Variants in PCYT2 observed in about 807,000 individuals in gnomAD.
PCYT2 encodes the protein phosphate cytidylyltransferase 2, ethanolamine.
In PCYT2, 33 loss-of-function variants were observed where a neutral mutation model predicts 50.0. The observed-to-expected ratio is 0.66, with a 90% CI of 0.50 to 0.88. PCYT2 has a LOEUF of 0.88. Among genes scored for constraint, PCYT2 ranks in the 40% least tolerant of loss-of-function variants. The pLI, the probability that PCYT2 is intolerant of heterozygous loss-of-function variation, is 0.00. For synonymous variants in PCYT2, 240 were observed against 203.7 expected (o/e 1.18, Z -1.52); for missense variants, 430 against 519.7 (o/e 0.83, Z 1.68).
At chr17:81,907,240 G>T (rs1324943117) in intron 6 of PCYT2, 1 of 1,534,336 alleles carries the variant, frequency 6.5e-7, no homozygotes, top group Non-Finnish European at 8.7e-7. Flanking sequence ...TGTCCCCGGC[G>T]GGTATCGGGT....
In PCYT2 at chr17:81,908,713, C is replaced by G. The variant is rs1003882578; in HGVS notation, c.341-79G>C. On this transcript the variant is annotated intron_variant, in intron 3 of 12. Transcript: ENST00000538936. ...TCAGAGCCCAGGACCCTCTCGGCCC[C>G]TGGCCTGCCCTAGTGTCCGCGTGCC... The G allele has an allele frequency of 2.9e-6, 4 of 1,389,450 alleles. No homozygotes were observed. The African/African-American group carries it at 4.3e-5, about 15-fold the overall frequency. The allele number at this position is 1,389,450 out of a possible 1,614,324, so 86.1% of individuals were successfully genotyped here. A position where few individuals can be genotyped will look rare whatever the true frequency, so the allele number is the denominator to read the frequency against.
At chr17:81,907,387 C>G in intron 6 of PCYT2, 167 bp downstream of exon 6, 1 of 1,175,160 alleles carries the variant, frequency 8.5e-7, no homozygotes. Context: ...TCCCTCCCAG[C>G]ATCCACCAGT....
chr17:81,906,607 C>T, intron 7 of PCYT2, 61 bp from the exon 8 acceptor site: 1 of 1,580,500 alleles, frequency 6.3e-7, no homozygotes, highest in Middle Eastern at 1.7e-4. Context: ...CCTGACAGCT[C>T]ATGCCCAAGG....
At position 81,907,167 on chromosome 17, in the gene PCYT2, G is replaced by A. The variant is rs1317997822; in HGVS notation, c.538-269C>T. On this transcript the variant is annotated intron_variant, in intron 6 of 12. Transcript: ENST00000538936. ...CTGTGGCAGGTGCACACAGCCCTTG[G>A]GAGGGACCTGGTACCCTGAGACCAC... The A allele has an allele frequency of 2.7e-6, 4 of 1,489,380 alleles. No homozygotes were observed. The African/African-American group carries it at 5.6e-5, about 21-fold the overall frequency. 92.3% of individuals were successfully genotyped at this position (1,489,380 alleles called of 1,614,324 possible). A position where few individuals can be genotyped will look rare whatever the true frequency, so the allele number is the denominator to read the frequency against.
At chr17:81,910,218 G>A (rs2040507533) in intron 1 of PCYT2, among the ~76,000 whole-genome samples, 1 of 152,204 alleles carries the variant, frequency 6.6e-6, no homozygotes, top group South Asian at 2.1e-4. Flanking sequence ...GCTAACACGT[G>A]AACTCTCAAG....
intron 10 of PCYT2, 24 bp from the exon 11 acceptor site, chr17:81,905,471 G>A: frequency 6.4e-7 from 1 of 1,559,016 alleles, no homozygotes; most frequent in African/African-American, 1.4e-5. Context: ...GGGGTCAGGA[G>A]CCCTCCCCGG....
chr17:81,902,308 GC>G lies in PCYT2; in HGVS notation c.*2524del. ...CCGGTCCGCGACACTGGCGGCCGCC[GC>G]CCTGGCGCTGTGCCTGCTGCTGGCG... On this transcript the variant is annotated 3_prime_UTR_variant, in exon 13 of 13. Transcript: ENST00000538936. 1.5e-6 allele frequency: 2 copies of G among 1,326,850 alleles called. No homozygotes were observed. The highest frequency in any genetic ancestry group is 1.9e-6 in the Non-Finnish European group (2 of 1,045,264). 82.2% of individuals were successfully genotyped at this position (1,326,850 alleles called of 1,614,324 possible).
intron 10 of PCYT2, 87 bp downstream of exon 10, chr17:81,905,583 T>C: frequency 6.9e-7 from 1 of 1,454,820 alleles, no homozygotes; most frequent in Non-Finnish European, 9.6e-7. Context: ...GGGCCCCGCC[T>C]AGGAGCCCAC....
chr17:81,911,320 T>G lies in PCYT2; in HGVS notation c.36A>C (p.Ala12=). 1.8e-6 allele frequency: 2 copies of G among 1,124,956 alleles called. No individual in the cohort carries two copies. Among genetic ancestry groups the G allele is most frequent in the Non-Finnish European group, 2.2e-6 (2 of 908,022 alleles). 69.7% of individuals were successfully genotyped at this position (1,124,956 alleles called of 1,614,324 possible). The change falls in exon 1 of 13, where the codon GCA becomes GCC. Residue 12 remains alanine (A), a synonymous_variant. Transcript: ENST00000538936. ...IRNGRGAAGG[A]EQPGPGGRRA... Reference sequence around the variant, plus strand: ...GCCTGCCCCCCGGGCCCGGCTGCTCTGCGCCGCCTGCAGCCCCGCGCCCGT... The same window carrying G: ...GCCTGCCCCCCGGGCCCGGCTGCTCGGCGCCGCCTGCAGCCCCGCGCCCGT...
chr17:81,909,412 G>A, intron 2 of PCYT2, 102 bp downstream of exon 2: 2 of 1,473,370 alleles, frequency 1.4e-6, no homozygotes, highest in Non-Finnish European at 9.3e-7. Flanking sequence ...CCCTACAGCT[G>A]TGCCCTGGCA....
Position 81,902,899 on chromosome 17 carries a change from C to T in PCYT2, c.*1934G>A, listed in dbSNP as rs1042301707. 1.5e-5 allele frequency: 10 copies of T among 677,382 alleles called. No individual in the cohort carries two copies. Among genetic ancestry groups the T allele is most frequent in the Non-Finnish European group, 1.2e-5 (5 of 432,448 alleles). 42.0% of individuals were successfully genotyped at this position (677,382 alleles called of 1,614,324 possible). A position where few individuals can be genotyped will look rare whatever the true frequency, so the allele number is the denominator to read the frequency against. On this transcript the variant is annotated 3_prime_UTR_variant, in exon 13 of 13. Coordinates refer to ENST00000538936, the MANE Select transcript of PCYT2 (RefSeq NM_002861.5). ...GCAAACGAATAAATAAATGAGGCGG[C>T]CTCGGAGTGAGGGGTGCTGGAGGAC...
chr17:81,904,922 G>A lies in PCYT2; in HGVS notation c.1081C>T (p.Gln361Ter). 1 of 1,612,960 alleles carries A rather than the reference G, an allele frequency of 6.2e-7. No homozygotes were observed. The highest frequency in any genetic ancestry group is 8.5e-7 in the Non-Finnish European group (1 of 1,179,830). The change falls in exon 13 of 13, where the codon CAG becomes TAG. Residue 361 changes from glutamine (Q) to a stop codon, truncating the protein, a stop_gained. Transcript: ENST00000538936. LOFTEE classifies it low-confidence loss of function (END_TRUNC). ...TNRLEYEARN[Q>*]KKEAKELAFL... ...GCCAGCTCCTTGGCTTCCTTCTTCT[G>A]GTTTCGCGCCTCATACTCCAACCTG... is the stretch of plus-strand genomic sequence containing the variant.
At chr17:81,909,460 G>A (rs758421247) in intron 2 of PCYT2, 54 bp downstream of exon 2, 198 of 1,547,182 alleles carry the variant, frequency 1.3e-4, no homozygotes, top group Non-Finnish European at 1.6e-4. Flanking sequence ...GTCAACAGTC[G>A]CAACCCACAG....
chr17:81,911,261 G>C lies in PCYT2; in HGVS notation c.89+6C>G, dbSNP rs2143756386. On this transcript the variant is annotated splice_donor_region_variant and intron_variant, in intron 1 of 12. Coordinates refer to ENST00000538936, the MANE Select transcript of PCYT2 (RefSeq NM_002861.5). ...CCCCCGCGGCCCGCCCCGGCCCCGC[G>C]CTCACCAGCCATCGCACCACACCCT... is the stretch of plus-strand genomic sequence containing the variant. 1.9e-6 allele frequency: 2 copies of C among 1,053,536 alleles called. No homozygotes were observed. The highest frequency in any genetic ancestry group is 2.3e-6 in the Non-Finnish European group (2 of 875,624). 65.3% of individuals were successfully genotyped at this position (1,053,536 alleles called of 1,614,324 possible).
Sources: gnomAD v4.1 joint callset for allele counts (sites outside exome capture counted in the v4.1 genomes callset) on GRCh38, gnomAD v4.1.1 for gene constraint, MANE v1.5 for transcripts, NCBI Gene and HGNC (gene_info 2026-07-23, HGNC 2026-07-21) for gene names.